The following NDST3 variants were observed in gnomAD, a reference collection of about 807,000 sequenced individuals.
NDST3 encodes the protein bifunctional heparan sulfate N-deacetylase/N-sulfotransferase 3.
Under a neutral mutation model 96.1 loss-of-function variants are expected in NDST3, and 58 were observed. The ratio of observed to expected loss-of-function variants is 0.60; its 90% CI spans 0.49 to 0.75. The LOEUF is 0.75. Ranked by LOEUF, NDST3 falls within the 30% of genes least tolerant of loss-of-function variation. The pLI, the probability that NDST3 is intolerant of heterozygous loss-of-function variation, is 0.00. For synonymous variants in NDST3, 333 were observed against 359.7 expected, an observed-to-expected ratio of 0.93 and a Z score of 0.84; for missense variants, 788 against 1,034.2, an observed-to-expected ratio of 0.76 and a Z score of 3.27.
intron 12 of NDST3, among the ~76,000 whole-genome samples, chr4:118,249,788 CTT>C: frequency 6.6e-6 from 1 of 150,576 alleles, no homozygotes; most frequent in East Asian, 2.0e-4. Flanking sequence ...ATTTTAAGTG[CTT>C]TGTTAATGTA....
intron 8 of NDST3, among the ~76,000 whole-genome samples, chr4:118,230,288 T>C (rs1383743714): frequency 1.3e-5 from 2 of 152,146 alleles, no homozygotes; most frequent in Non-Finnish European, 2.9e-5. Flanking sequence ...TTATTAGAAG[T>C]GCAGGCCAGG....
chr4:118,146,585 C>T (rs76615511), intron 6 of NDST3, among the ~76,000 whole-genome samples: 6,957 of 152,158 alleles, frequency 0.046, 274 homozygotes, highest in African/African-American at 0.11. Flanking sequence ...AACTCTCTGG[C>T]CTGAAATGTT....
chr4:118,147,888 G>A (rs1307089154), intron 6 of NDST3, among the ~76,000 whole-genome samples: 1 of 152,146 alleles, frequency 6.6e-6, no homozygotes, highest in African/African-American at 2.4e-5. Context: ...ATAGACTCCA[G>A]GTATTGAGTC....
rs149224862 is a variant in NDST3 at position 118,088,861 on chromosome 4, G to A, written c.982-16157G>A. Among the ~76,000 whole-genome samples the A allele has an allele frequency of 2.8e-3, 427 of 151,984 alleles. 4 individuals carry two copies. In the South Asian group the frequency reaches 0.031, roughly 11 times the overall value. ...AACTCACAGCTTCCATGTCTAGACC[G>A]TTGCTGGCTCTCTGATAGTTAATTG... On this transcript the variant is annotated intron_variant, in intron 2 of 13. Transcript: ENST00000296499.
chr4:118,048,619 A>C (rs900284901), intron 1 of NDST3, among the ~76,000 whole-genome samples: 2 of 152,190 alleles, frequency 1.3e-5, no homozygotes, highest in African/African-American at 4.8e-5. Flanking sequence ...ATAAAAATTT[A>C]AGAAGACAAA....
chr4:118,132,547 T>C (rs1370051438), intron 4 of NDST3, among the ~76,000 whole-genome samples: 1 of 152,132 alleles, frequency 6.6e-6, no homozygotes, highest in African/African-American at 2.4e-5. Flanking sequence ...AGCCTGCTTG[T>C]TGCTCTACCC....
At chr4:118,251,928 G>C (rs528550882) in intron 12 of NDST3, among the ~76,000 whole-genome samples, 12 of 152,186 alleles carry the variant, frequency 7.9e-5, no homozygotes, top group Non-Finnish European at 1.8e-4. Flanking sequence ...TTATGAGCAT[G>C]GTATAGCTCC....
In NDST3 at chr4:118,242,026, A is replaced by G. The variant is rs373907039; in HGVS notation, c.2290-14A>G. 9.3e-5 allele frequency: 144 copies of G among 1,553,852 alleles called. No homozygotes were observed. Among genetic ancestry groups the G allele is most frequent in the Middle Eastern group, 1.7e-4 (1 of 5,814 alleles). On this transcript the variant is annotated splice_polypyrimidine_tract_variant and intron_variant, in intron 11 of 13. Coordinates refer to ENST00000296499, the MANE Select transcript of NDST3 (RefSeq NM_004784.3). ...GTCTTTTTTCAATGTGCATTTTTTT[A>G]TTTGATAATTTAGTTGCTAATTATT...
intron 8 of NDST3, among the ~76,000 whole-genome samples, chr4:118,231,600 G>A (rs1360043237): frequency 6.6e-6 from 1 of 151,994 alleles, no homozygotes; most frequent in Non-Finnish European, 1.5e-5. Context: ...CTCCAAGTGA[G>A]AGAAATATTA....
At chr4:118,247,954 G>A (rs1030852706) in intron 12 of NDST3, among the ~76,000 whole-genome samples, 2 of 152,022 alleles carry the variant, frequency 1.3e-5, no homozygotes, top group African/African-American at 4.8e-5. Flanking sequence ...ATGGTTTTTC[G>A]ATGTAAAGGC....
intron 2 of NDST3, among the ~76,000 whole-genome samples, chr4:118,074,341 C>T (rs557206264): frequency 1.1e-4 from 17 of 151,656 alleles, no homozygotes; most frequent in Admixed American, 1.1e-3. Context: ...TAGTTTTCTG[C>T]CTCAATGAAG....
intron 2 of NDST3, among the ~76,000 whole-genome samples, chr4:118,060,318 A>G (rs1186488497): frequency 6.6e-6 from 1 of 151,990 alleles, no homozygotes; most frequent in East Asian, 1.9e-4. Context: ...TATCTTTTTA[A>G]CTTTATTAAT....
At chr4:118,240,909 C>A (rs551098477) in intron 11 of NDST3, among the ~76,000 whole-genome samples, 1 of 152,256 alleles carries the variant, frequency 6.6e-6, no homozygotes, top group Admixed American at 6.5e-5. Context: ...ATTTGCTGTG[C>A]GTACCTTTCC....
At chr4:118,035,233 CAG>C (rs1282052947) in intron 1 of NDST3, among the ~76,000 whole-genome samples, 1 of 152,052 alleles carries the variant, frequency 6.6e-6, no homozygotes, top group Admixed American at 6.6e-5. Flanking sequence ...GTTTAAGCAT[CAG>C]AGTTATTTAA....
chr4:118,128,962 A>G (rs2125885813), intron 4 of NDST3, among the ~76,000 whole-genome samples: 1 of 152,088 alleles, frequency 6.6e-6, no homozygotes, highest in South Asian at 2.1e-4. Flanking sequence ...AAATTTTCCA[A>G]CTTGTTGGCA....
rs1347705943 is a variant in NDST3, at chr4:118,255,659, C to T, written c.2569C>T (p.Leu857=). Residue 857 remains leucine, a synonymous_variant, in exon 14 of 14, where the codon CTG becomes TTG. Transcript: ENST00000296499. ...NVELSKLLHK[L]GQPLPSWLRQ... ...GGAACTCTCAAAGCTGCTGCACAAA[C>T]TGGGTCAGCCTCTGCCATCCTGGCT... 6.2e-7 allele frequency: 1 copy of T among 1,613,724 alleles called. No individual in the cohort carries two copies. The highest frequency in any genetic ancestry group is 1.3e-5 in the African/African-American group (1 of 74,912).
intron 6 of NDST3, among the ~76,000 whole-genome samples, chr4:118,221,615 T>A (rs2204269): frequency 1.3e-5 from 2 of 152,050 alleles, no homozygotes; most frequent in African/African-American, 4.8e-5. Flanking sequence ...CTTCCCACAC[T>A]TTTCTCTTAG....
At chr4:118,067,672 A>C (rs1161452685) in intron 2 of NDST3, among the ~76,000 whole-genome samples, 2 of 152,108 alleles carry the variant, frequency 1.3e-5, no homozygotes, top group Admixed American at 1.3e-4. Context: ...ATCAAACTTC[A>C]GAATAGTTCA....
intron 11 of NDST3, among the ~76,000 whole-genome samples, 163 bp from the exon 12 acceptor site, chr4:118,241,877 T>C (rs1322053690): frequency 6.6e-6 from 1 of 152,208 alleles, no homozygotes; most frequent in Non-Finnish European, 1.5e-5. Flanking sequence ...TTATTTCTTA[T>C]TCCAGGTCAT....
Sources: gnomAD v4.1 joint callset for allele counts (sites outside exome capture counted in the v4.1 genomes callset) on GRCh38, gnomAD v4.1.1 for gene constraint, MANE v1.5 for transcripts, NCBI Gene and HGNC (gene_info 2026-07-23, HGNC 2026-07-21) for gene names.